TUT4: variants seen among roughly 807,000 people sequenced by gnomAD.
The protein encoded by TUT4 is terminal uridylyltransferase 4.
In TUT4, 36 loss-of-function variants were observed where a neutral mutation model predicts 192.2. The observed-to-expected ratio is 0.19, with a 90% CI of 0.14 to 0.25. The LOEUF (loss-of-function observed/expected upper bound fraction) is 0.25, where lower values mean the gene tolerates loss of function less well. TUT4 is among the 10% of genes least tolerant of loss of function. TUT4 has a pLI of 1.00. For missense variants in TUT4, 1,493 were observed against 1,957.2 expected, an observed-to-expected ratio of 0.76 and a Z score of 4.47; for synonymous variants, 618 against 666.0, an observed-to-expected ratio of 0.93 and a Z score of 1.11.
At chr1:52,484,479 G>A (rs1246683372) in intron 9 of TUT4, among the ~76,000 whole-genome samples, 2 of 151,884 alleles carry the variant, frequency 1.3e-5, no homozygotes, top group African/African-American at 4.8e-5. Context: ...GGATACTGAG[G>A]ACAACTATAC....
intron 16 of TUT4, among the ~76,000 whole-genome samples, chr1:52,464,421 A>T (rs1425706864): frequency 6.6e-6 from 1 of 151,458 alleles, no homozygotes; most frequent in African/African-American, 2.4e-5. Flanking sequence ...TGCCCAGCTA[A>T]TTTTTTTTAT....
intron 1 of TUT4, chr1:52,529,836 C>T (rs868322762): frequency 6.6e-6 from 1 of 152,114 alleles, no homozygotes; most frequent in South Asian, 2.1e-4. Flanking sequence ...TTTGAGTAAT[C>T]TTTTTCTTCT....
chr1:52,441,086 G>C (rs1655373929), intron 24 of TUT4, among the ~76,000 whole-genome samples: 1 of 151,864 alleles, frequency 6.6e-6, no homozygotes, highest in Non-Finnish European at 1.5e-5. Context: ...AAAGTAGACA[G>C]AATAATCTAG....
At chr1:52,482,401 A>G (rs1668703668) in intron 9 of TUT4, among the ~76,000 whole-genome samples, 2 of 152,208 alleles carry the variant, frequency 1.3e-5, no homozygotes, top group Admixed American at 6.5e-5. Flanking sequence ...CCTTAACAAT[A>G]TATCAAGAAA....
intron 19 of TUT4, among the ~76,000 whole-genome samples, chr1:52,458,851 G>A (rs906193966): frequency 1.3e-5 from 2 of 152,068 alleles, no homozygotes; most frequent in African/African-American, 2.4e-5. Flanking sequence ...AATGTACCCT[G>A]CAAACATGCC....
chr1:52,448,163 T>A (rs866447387), intron 20 of TUT4, among the ~76,000 whole-genome samples: 6 of 152,350 alleles, frequency 3.9e-5, no homozygotes, highest in African/African-American at 1.4e-4. Context: ...AATATGTAAG[T>A]ATGTTACACA....
At chr1:52,470,511 A>G (rs1422139934) in intron 14 of TUT4, among the ~76,000 whole-genome samples, 1 of 152,222 alleles carries the variant, frequency 6.6e-6, no homozygotes, top group Non-Finnish European at 1.5e-5. Flanking sequence ...ATATTTATCA[A>G]CAGGTGAATG....
intron 20 of TUT4, among the ~76,000 whole-genome samples, chr1:52,449,560 A>T (rs1448740453): frequency 6.6e-6 from 1 of 152,214 alleles, no homozygotes; most frequent in Non-Finnish European, 1.5e-5. Flanking sequence ...TCGGCCGCCC[A>T]AAGTGCTGGG....
chr1:52,492,002 AC>A (rs1204729999), intron 7 of TUT4, among the ~76,000 whole-genome samples: 3 of 152,192 alleles, frequency 2.0e-5, no homozygotes, highest in African/African-American at 7.2e-5. Flanking sequence ...TTATAAGCCT[AC>A]ATTGTATGAC....
intron 4 of TUT4, among the ~76,000 whole-genome samples, chr1:52,500,533 C>T (rs561900805): frequency 6.6e-6 from 1 of 152,184 alleles, no homozygotes; most frequent in African/African-American, 2.4e-5. Flanking sequence ...GAGGCTGAGG[C>T]GGGTGGATCA....
intron 4 of TUT4, among the ~76,000 whole-genome samples, chr1:52,507,126 C>G (rs1254398100): frequency 2.6e-5 from 4 of 152,334 alleles, no homozygotes; most frequent in African/African-American, 9.6e-5. Flanking sequence ...GAGCACCAAT[C>G]ACTGGTCTAA....
At chr1:52,547,461 G>C (rs1057504652) in intron 1 of TUT4, among the ~76,000 whole-genome samples, 2 of 151,956 alleles carry the variant, frequency 1.3e-5, no homozygotes, top group Admixed American at 1.3e-4. Flanking sequence ...TTGGAAAACA[G>C]TTTGGCAGTT....
intron 26 of TUT4, among the ~76,000 whole-genome samples, chr1:52,436,037 A>G (rs895964715): frequency 2.6e-5 from 4 of 152,098 alleles, no homozygotes; most frequent in Non-Finnish European, 5.9e-5. Flanking sequence ...TTGGGTTACT[A>G]TTTAACTCTC....
chr1:52,477,321 G>A (rs924815219), intron 12 of TUT4, among the ~76,000 whole-genome samples: 4 of 151,920 alleles, frequency 2.6e-5, no homozygotes, highest in Admixed American at 2.0e-4. Context: ...CCTATAATCC[G>A]AGCACTTTGG....
intron 14 of TUT4, among the ~76,000 whole-genome samples, chr1:52,471,008 CTTTTTTTTTTTTTT>C (rs771331613): frequency 2.4e-5 from 2 of 82,148 alleles, no homozygotes; most frequent in African/African-American, 6.1e-5. Context: ...GCACTCTATG[CTTTTTTTTTTTTTT>C]TTTTTTTTTT....
chr1:52,550,496 C>CTT (rs752817651), intron 1 of TUT4, among the ~76,000 whole-genome samples: 9,512 of 121,974 alleles, frequency 0.078, 545 homozygotes, highest in East Asian at 0.15. Context: ...GTAAGTATTG[C>CTT]TTTTTTTTTT....
At position 52,525,653 on chromosome 1, in the gene TUT4, G is replaced by T. The variant is rs1226738935; in HGVS notation, c.628C>A (p.Pro210Thr). 6.2e-7 allele frequency: 1 copy of T among 1,614,010 alleles called. No individual in the cohort carries two copies. The highest frequency in any genetic ancestry group is 1.3e-5 in the African/African-American group (1 of 74,926). Residue 210 changes from proline (P) to threonine (T), a missense_variant, in exon 2 of 30, where the codon CCA (proline) becomes ACA (threonine). Transcript: ENST00000257177. ...CATGTCTGTTGCTTCTGAGATCGTG[G>T]TGAGTTTTGCAGAGCACATTTTTCT... ...GGEKCALQNS[P>T]RSQKQQTCTD...
intron 20 of TUT4, among the ~76,000 whole-genome samples, chr1:52,458,063 T>C (rs1452749618): frequency 1.3e-5 from 2 of 152,192 alleles, no homozygotes; most frequent in Non-Finnish European, 2.9e-5. Flanking sequence ...AACTTCACAA[T>C]CATCCACAGC....
chr1:52,488,318 C>G (rs765608140), intron 9 of TUT4, among the ~76,000 whole-genome samples: 8 of 152,208 alleles, frequency 5.3e-5, no homozygotes, highest in Non-Finnish European at 1.2e-4. Flanking sequence ...AGGCTAAAAT[C>G]TCTCTCTCTA....
Sources: gnomAD v4.1 joint callset for allele counts (sites outside exome capture counted in the v4.1 genomes callset) on GRCh38, gnomAD v4.1.1 for gene constraint, MANE v1.5 for transcripts, NCBI Gene and HGNC (gene_info 2026-07-23, HGNC 2026-07-21) for gene names.